The following CACNB4 variants were observed in gnomAD, a reference collection of about 807,000 sequenced individuals.
CACNB4 encodes calcium voltage-gated channel auxiliary subunit beta 4, also known as voltage-dependent L-type calcium channel subunit beta-4.
In CACNB4, 32 loss-of-function variants were observed where a neutral mutation model predicts 71.2. The observed-to-expected ratio is 0.45, with a 90% CI of 0.34 to 0.60. The LOEUF is 0.60. CACNB4 is among the 20% of genes least tolerant of loss of function. The probability of loss-of-function intolerance (pLI) is 0.01; values close to 1 mark genes in which losing one functional copy is unlikely to be tolerated. For missense variants in CACNB4, 464 were observed against 647.9 expected (o/e 0.72, Z 3.08); for synonymous variants, 231 against 236.9 (o/e 0.97, Z 0.23).
chr2:151,892,564 C>A (rs1053258914), intron 2 of CACNB4, among the ~76,000 whole-genome samples: 7 of 152,062 alleles, frequency 4.6e-5, no homozygotes, highest in Non-Finnish European at 8.8e-5. Flanking sequence ...GCTAAAGTTT[C>A]TCATTAAGGG....
chr2:152,021,169 C>A (rs1310066748), intron 2 of CACNB4, among the ~76,000 whole-genome samples: 1 of 152,286 alleles, frequency 6.6e-6, no homozygotes, highest in East Asian at 1.9e-4. Flanking sequence ...ATCGCTTGAA[C>A]CCGGGAGGCG....
intron 2 of CACNB4, among the ~76,000 whole-genome samples, chr2:152,060,983 G>T (rs1473937781): frequency 6.6e-6 from 1 of 152,096 alleles, no homozygotes; most frequent in African/African-American, 2.4e-5. Context: ...CAGATGTTTT[G>T]CAATGAACAT....
chr2:152,007,963 G>A (rs1326143395), intron 2 of CACNB4, among the ~76,000 whole-genome samples: 2 of 151,884 alleles, frequency 1.3e-5, no homozygotes, highest in African/African-American at 2.4e-5. Context: ...GTAGAGACAG[G>A]GTTTCACCAT....
chr2:151,970,100 T>C (rs1579032509), intron 2 of CACNB4: 1 of 152,194 alleles, frequency 6.6e-6, no homozygotes, highest in Non-Finnish European at 1.5e-5. Flanking sequence ...CCGTACAATA[T>C]ACCCTAAGAA....
chr2:151,946,034 A>G lies in CACNB4; in HGVS notation c.148-62664T>C, dbSNP rs147207263. Among the ~76,000 whole-genome samples, 400 of 152,206 alleles carry G rather than the reference A, an allele frequency of 2.6e-3. 4 individuals carry two copies. The highest frequency in any genetic ancestry group is 9.2e-3 in the African/African-American group (383 of 41,520). On this transcript the variant is annotated intron_variant, in intron 2 of 13. Coordinates refer to ENST00000539935, the MANE Select transcript of CACNB4 (RefSeq NM_000726.5). ...TGTTGTTATTATTATTATTATAATA[A>G]AATGCCTCCCAAGGCCAGGTGCGGT...
Position 152,035,651 on chromosome 2 carries a change from C to CTATATA in CACNB4, c.147+62673_147+62678dup, listed in dbSNP as rs1553818082. Reference sequence around the variant, plus strand: ...TCTCCCTCTCTCTCTCTCTCTCTCTCTATATATATATATATATGTATGTAT... The same window carrying CTATATA: ...TCTCCCTCTCTCTCTCTCTCTCTCTCTATATATATATATATATATATATGTATGTAT... On this transcript the variant is annotated intron_variant, in intron 2 of 13. Transcript: ENST00000539935. Among the ~76,000 whole-genome samples the CTATATA allele has an allele frequency of 2.6e-3, 303 of 118,060 alleles. 6 individuals are homozygous for CTATATA. Among genetic ancestry groups the CTATATA allele is most frequent in the African/African-American group, 5.8e-3 (160 of 27,586 alleles). 77.5% of individuals were successfully genotyped at this position (118,060 alleles called of 152,430 possible). A position where few individuals can be genotyped will look rare whatever the true frequency, so the allele number is the denominator to read the frequency against.
Position 151,934,434 on chromosome 2 carries a change from C to T in CACNB4, c.148-51064G>A, listed in dbSNP as rs115685723. On this transcript the variant is annotated intron_variant, in intron 2 of 13. Transcript: ENST00000539935. ...CACCTACCAGATACTGTTCTAGGTGCTTAACAGCATTGTCTCGTTCATCTC... is the reference window on the plus strand; with the variant it reads ...CACCTACCAGATACTGTTCTAGGTGTTTAACAGCATTGTCTCGTTCATCTC... Among the ~76,000 whole-genome samples, 674 of 152,296 alleles carry T rather than the reference C, an allele frequency of 4.4e-3. 4 individuals carry two copies. The highest frequency in any genetic ancestry group is 0.016 in the African/African-American group (650 of 41,558).
intron 2 of CACNB4, among the ~76,000 whole-genome samples, chr2:151,978,184 G>A (rs2099874131): frequency 0.015 from 1 of 68 alleles, no homozygotes; most frequent in Non-Finnish European, 0.022. Context: ...GTTCTCTGAG[G>A]CGGAGCTCAG....
At chr2:152,031,254 T>G (rs1684266837) in intron 2 of CACNB4, among the ~76,000 whole-genome samples, 1 of 152,192 alleles carries the variant, frequency 6.6e-6, no homozygotes, top group African/African-American at 2.4e-5. Context: ...CAAAGGACAC[T>G]TCACAAATTA....
intron 2 of CACNB4, among the ~76,000 whole-genome samples, chr2:152,036,725 A>G (rs1336628190): frequency 8.5e-6 from 1 of 117,056 alleles, no homozygotes; most frequent in Non-Finnish European, 2.3e-5. Context: ...TGGAAGTAAT[A>G]TTTCTGGGTT....
At chr2:152,005,523 G>A (rs1045600492) in intron 2 of CACNB4, among the ~76,000 whole-genome samples, 1 of 152,152 alleles carries the variant, frequency 6.6e-6, no homozygotes, top group African/African-American at 2.4e-5. Context: ...ACTTCAAAAG[G>A]AGGGAGTGAG....
intron 2 of CACNB4, chr2:151,968,668 A>T (rs1352246189): frequency 6.6e-6 from 1 of 152,196 alleles, no homozygotes; most frequent in East Asian, 1.9e-4. Context: ...ATGATTTTTC[A>T]CGGTTATTGC....
chr2:151,986,585 A>G (rs943137352), intron 2 of CACNB4, among the ~76,000 whole-genome samples: 4 of 152,114 alleles, frequency 2.6e-5, no homozygotes, highest in Non-Finnish European at 5.9e-5. Context: ...CATTTAGCAT[A>G]CTCATCAACC....
chr2:152,022,643 A>G (rs954227637), intron 2 of CACNB4, among the ~76,000 whole-genome samples: 20 of 152,226 alleles, frequency 1.3e-4, no homozygotes, highest in Non-Finnish European at 2.4e-4. Flanking sequence ...TGCAATCTCT[A>G]CATTTGTTTC....
chr2:151,922,343 T>C (rs1206655881), intron 2 of CACNB4, among the ~76,000 whole-genome samples: 1 of 152,176 alleles, frequency 6.6e-6, no homozygotes, highest in Non-Finnish European at 1.5e-5. Context: ...ACTGGGACTA[T>C]AGGCGTGTGC....
At chr2:151,959,843 T>C (rs1033039654) in intron 2 of CACNB4, among the ~76,000 whole-genome samples, 4 of 152,220 alleles carry the variant, frequency 2.6e-5, no homozygotes, top group African/African-American at 7.2e-5. Flanking sequence ...TATAATATCT[T>C]GCATAATTTG....
At chr2:151,896,690 T>C (rs2099852158) in intron 2 of CACNB4, among the ~76,000 whole-genome samples, 2 of 152,212 alleles carry the variant, frequency 1.3e-5, no homozygotes, top group African/African-American at 4.8e-5. Flanking sequence ...GCTTTTTTGA[T>C]TCCTATCTGC....
In CACNB4 at chr2:151,837,784, T is replaced by C. The variant is rs2099835210; in HGVS notation, c.*1335A>G. Reference sequence around the variant, plus strand: ...TAATAAGATGAAGAGGAGTGTTCATTAGAAATAAGGCAGCTCAATCTCCAA... The same window carrying C: ...TAATAAGATGAAGAGGAGTGTTCATCAGAAATAAGGCAGCTCAATCTCCAA... On this transcript the variant is annotated 3_prime_UTR_variant, in exon 14 of 14. Transcript: ENST00000539935. The C allele has an allele frequency of 6.6e-6, 1 of 152,104 alleles. No individual in the cohort carries two copies. Among genetic ancestry groups the C allele is most frequent in the Admixed American group, 6.5e-5 (1 of 15,268 alleles). The allele number at this position is 152,104 out of a possible 1,614,324, so 9.4% of individuals were successfully genotyped here. A position where few individuals can be genotyped will look rare whatever the true frequency, so the allele number is the denominator to read the frequency against.
In CACNB4 at chr2:152,098,564, G is replaced by GCCGCCCCCCCCCCCCCCCCC; in HGVS notation, c.64-152_64-151insGGGGGGGGGGGGGGGGGCGG. ...GTCTCCTCCGCGACTCCCAAATACA[G>GCCGCCCCCCCCCCCCCCCCC]CCCCCACCCCCACCCACCCACTGCA... On this transcript the variant is annotated intron_variant, in intron 1 of 13. Coordinates refer to ENST00000539935, the MANE Select transcript of CACNB4 (RefSeq NM_000726.5). The surrounding 1 kb of genome is among the most constrained non-coding windows in gnomAD (Gnocchi z 5.3). 1 of 931,266 alleles carries GCCGCCCCCCCCCCCCCCCCC rather than the reference G, an allele frequency of 1.1e-6. No individual in the cohort carries two copies. The highest frequency in any genetic ancestry group is 1.7e-6 in the Non-Finnish European group (1 of 583,192). The allele number at this position is 931,266 out of a possible 1,614,324, so 57.7% of individuals were successfully genotyped here. A position where few individuals can be genotyped will look rare whatever the true frequency, so the allele number is the denominator to read the frequency against.
Sources: allele counts gnomAD v4.1 joint callset (sites outside exome capture counted in the v4.1 genomes callset), GRCh38; gene constraint gnomAD v4.1.1; non-coding constraint Gnocchi (gnomAD v3.1); transcripts MANE v1.5; gene names NCBI Gene and HGNC (gene_info 2026-07-23, HGNC 2026-07-21).